The following NAV3 variants were observed in gnomAD, a reference collection of about 807,000 sequenced individuals.
NAV3 encodes the protein pore membrane and/or filament interacting like protein 1.
NAV3 carries 87 observed loss-of-function variants against 244.7 expected under a neutral mutation model. That is an observed-to-expected ratio of 0.36 (90% CI 0.30 to 0.42). The LOEUF is 0.42. NAV3 is among the 20% of genes least tolerant of loss of function. The pLI is 1.00. For synonymous variants in NAV3, 1,126 were observed against 1,042.2 expected (o/e 1.08, Z -1.55); for missense variants, 2,663 against 2,893.3 (o/e 0.92, Z 1.83).
At chr12:77,735,478 G>A (rs947822805) in intron 2 of NAV3, among the ~76,000 whole-genome samples, 3 of 151,964 alleles carry the variant, frequency 2.0e-5, no homozygotes, top group African/African-American at 7.2e-5. Context: ...AGAAGAAAAA[G>A]GTTTTAAGCC....
At chr12:77,685,812 A>G (rs528367310) in intron 2 of NAV3, among the ~76,000 whole-genome samples, 4 of 152,354 alleles carry the variant, frequency 2.6e-5, no homozygotes, top group Admixed American at 6.5e-5. Context: ...GTGCTTACAT[A>G]TGATAATTTA....
intron 1 of NAV3, among the ~76,000 whole-genome samples, chr12:77,841,933 C>T (rs1285296195): frequency 6.6e-6 from 1 of 152,094 alleles, no homozygotes; most frequent in Admixed American, 6.6e-5. Flanking sequence ...ATGATAATAC[C>T]TAATTTCAAG....
chr12:77,696,869 G>C (rs1875328542), intron 2 of NAV3, among the ~76,000 whole-genome samples: 1 of 152,114 alleles, frequency 6.6e-6, no homozygotes, highest in Non-Finnish European at 1.5e-5. Flanking sequence ...TAAAGAGTTT[G>C]ACTCATGTAC....
intron 1 of NAV3, among the ~76,000 whole-genome samples, chr12:77,886,545 TTTG>T (rs1883307738): frequency 6.6e-6 from 1 of 152,174 alleles, no homozygotes. Flanking sequence ...ACTTAAGCAT[TTTG>T]TTGTTTCCAC....
At chr12:77,708,206 C>A (rs1379735165) in intron 2 of NAV3, among the ~76,000 whole-genome samples, 1 of 152,178 alleles carries the variant, frequency 6.6e-6, no homozygotes, top group Non-Finnish European at 1.5e-5. Flanking sequence ...ACATTTAAGT[C>A]TTTAATCCAT....
intron 23 of NAV3, among the ~76,000 whole-genome samples, chr12:78,160,981 CT>C (rs1297470808): frequency 1.3e-5 from 2 of 151,104 alleles, no homozygotes; most frequent in African/African-American, 2.4e-5. Flanking sequence ...CCCTCTCTTT[CT>C]TTTTTGCTGC....
At chr12:77,706,942 A>G (rs1004549858) in intron 2 of NAV3, among the ~76,000 whole-genome samples, 1 of 141,884 alleles carries the variant, frequency 7.0e-6, no homozygotes, top group Non-Finnish European at 1.5e-5. Context: ...TGACATACTG[A>G]TATTAAACAA....
intron 3 of NAV3, among the ~76,000 whole-genome samples, chr12:77,946,386 T>G (rs1890355696): frequency 6.6e-6 from 1 of 151,944 alleles, no homozygotes; most frequent in African/African-American, 2.4e-5. Context: ...AGAGCACATA[T>G]TTAAGAAAAA....
chr12:77,598,155 A>T (rs1283831062), intron 2 of NAV3, among the ~76,000 whole-genome samples: 2 of 152,080 alleles, frequency 1.3e-5, no homozygotes, highest in Non-Finnish European at 2.9e-5. Context: ...GAATAAATTT[A>T]TATGTACATT....
intron 2 of NAV3, among the ~76,000 whole-genome samples, chr12:77,628,955 A>C (rs2136909093): frequency 6.6e-6 from 1 of 152,164 alleles, no homozygotes; most frequent in South Asian, 2.1e-4. Context: ...CATTTTACAG[A>C]ATTACAAATT....
intron 1 of NAV3, among the ~76,000 whole-genome samples, chr12:77,883,436 C>G (rs1182719538): frequency 1.3e-5 from 2 of 151,930 alleles, no homozygotes; most frequent in Non-Finnish European, 2.9e-5. Context: ...TGCTAGACTA[C>G]TAGATAGGTT....
chr12:77,936,306 T>A (rs116843788), intron 1 of NAV3, among the ~76,000 whole-genome samples: 1,647 of 152,332 alleles, frequency 0.011, 20 homozygotes, highest in Non-Finnish European at 0.019. Flanking sequence ...TAAGTAGCCC[T>A]CTTGTAAACG....
chr12:77,724,201 A>C (rs777159632), intron 2 of NAV3, among the ~76,000 whole-genome samples: 13 of 152,002 alleles, frequency 8.6e-5, no homozygotes, highest in Non-Finnish European at 1.8e-4. Flanking sequence ...TGCATTTTTC[A>C]TATAAAATTT....
At chr12:77,706,686 C>T (rs1014510117) in intron 2 of NAV3, among the ~76,000 whole-genome samples, 14 of 150,110 alleles carry the variant, frequency 9.3e-5, no homozygotes, top group East Asian at 2.0e-4. Flanking sequence ...CTGGCTAACA[C>T]GGTGAAACCC....
chr12:77,681,516 A>G (rs952261458), intron 2 of NAV3, among the ~76,000 whole-genome samples: 2 of 152,202 alleles, frequency 1.3e-5, no homozygotes, highest in Admixed American at 6.5e-5. Flanking sequence ...TTTAATTTAA[A>G]AGAGAATCAC....
intron 24 of NAV3, among the ~76,000 whole-genome samples, chr12:78,172,370 T>G (rs1335150506): frequency 6.6e-6 from 1 of 151,662 alleles, no homozygotes; most frequent in African/African-American, 2.4e-5. Context: ...ACATGCCATA[T>G]GCTTGTATAG....
At chr12:78,125,157 T>C (rs1955851107) in intron 16 of NAV3, among the ~76,000 whole-genome samples, 1 of 152,132 alleles carries the variant, frequency 6.6e-6, no homozygotes, top group Non-Finnish European at 1.5e-5. Context: ...ATCAGTAGAA[T>C]GTCAGAAATG....
intron 2 of NAV3, among the ~76,000 whole-genome samples, chr12:77,607,059 C>T (rs1003599651): frequency 3.9e-5 from 6 of 152,100 alleles, no homozygotes; most frequent in Admixed American, 1.3e-4. Context: ...GCCTCTAGTA[C>T]ATTTTAATAA....
intron 12 of NAV3, among the ~76,000 whole-genome samples, chr12:78,091,154 T>C (rs1351797356): frequency 6.6e-6 from 1 of 152,194 alleles, no homozygotes; most frequent in Non-Finnish European, 1.5e-5. Flanking sequence ...AGACTCTACT[T>C]ATAATGTGCG....
Sources: gnomAD v4.1 joint callset for allele counts (sites outside exome capture counted in the v4.1 genomes callset) on GRCh38, gnomAD v4.1.1 for gene constraint, MANE v1.5 for transcripts, NCBI Gene and HGNC (gene_info 2026-07-23, HGNC 2026-07-21) for gene names.